Variants in ADGRG4 observed in about 807,000 individuals in gnomAD.
ADGRG4 encodes adhesion G protein-coupled receptor G4.
In ADGRG4, 122 loss-of-function variants were observed where a neutral mutation model predicts 126.2. The ratio of observed to expected loss-of-function variants is 0.97; its 90% CI spans 0.83 to 1.12. ADGRG4 has a LOEUF of 1.12. ADGRG4 is among the 50% of genes most tolerant of loss of function. The pLI is 0.00. For synonymous variants in ADGRG4, 943 were observed against 838.7 expected, an observed-to-expected ratio of 1.12 and a Z score of -2.15; for missense variants, 2,481 against 2,251.8, an observed-to-expected ratio of 1.10 and a Z score of -2.06.
At chrX:136,303,687 T>C (rs1283372948) in intron 1 of ADGRG4, among the ~76,000 whole-genome samples, 1 of 111,669 alleles carries the variant, frequency 9.0e-6, no homozygotes, top group Non-Finnish European at 1.9e-5. Context: ...TAAGTAAAAT[T>C]GTCCTTCAAA....
intron 4 of ADGRG4, among the ~76,000 whole-genome samples, chrX:136,316,027 C>A (rs761639954): frequency 8.9e-6 from 1 of 112,294 alleles, no homozygotes; most frequent in Non-Finnish European, 1.9e-5. Context: ...TGATACATTT[C>A]TGTTGTTTAA....
At chrX:136,354,759 A>G (rs975144626) in intron 8 of ADGRG4, among the ~76,000 whole-genome samples, 1 of 111,602 alleles carries the variant, frequency 9.0e-6, no homozygotes, top group Admixed American at 9.6e-5. Flanking sequence ...AGCTCAAAGA[A>G]CTCAGGTAAA....
chrX:136,380,603 CCTCTTCT>C (rs1569332983), intron 15 of ADGRG4, among the ~76,000 whole-genome samples: 4 of 81,158 alleles, frequency 4.9e-5, no homozygotes, highest in African/African-American at 1.9e-4. Flanking sequence ...TCCTCCTCCT[CCTCTTCT>C]TCTTCTTCTT....
intron 23 of ADGRG4, among the ~76,000 whole-genome samples, chrX:136,411,832 A>T (rs185247286): frequency 4.5e-4 from 51 of 112,806 alleles, no homozygotes; most frequent in Non-Finnish European, 2.1e-4. Context: ...GGATGCCAGG[A>T]TGTCCTCAGG....
chrX:136,416,416 T>C (rs2075475796), intron 25 of ADGRG4, 38 bp from the exon 26 acceptor site: 1 of 1,145,997 alleles, frequency 8.7e-7, no homozygotes, highest in Non-Finnish European at 1.2e-6. Context: ...AAGTCCCTGA[T>C]GCCGCAGCTG....
chrX:136,349,170 C>T lies in ADGRG4; in HGVS notation c.5464C>T (p.Pro1822Ser). The T allele has an allele frequency of 1.7e-6, 2 of 1,201,909 alleles. No individual in the cohort carries two copies. The highest frequency in any genetic ancestry group is 2.3e-6 in the Non-Finnish European group (2 of 887,081). Residue 1822 changes from proline to serine, a missense_variant, in exon 6 of 26, where the codon CCA (proline) becomes TCA (serine). Pro to Ser is a moderately conservative substitution (Grantham distance 74). Coordinates refer to ENST00000394143, the MANE Select transcript of ADGRG4 (RefSeq NM_153834.4). ...TTTGAATACCCCTGTTTCATACCCT[C>T]CATGGACCCCATCCAGTGCAACTCT... Reference protein sequence around the residue: ...TSLNTPVSYPPWTPSSATLPS... With the variant: ...TSLNTPVSYPSWTPSSATLPS...
At chrX:136,386,976 C>T (rs761639542) in intron 15 of ADGRG4, among the ~76,000 whole-genome samples, 1 of 111,854 alleles carries the variant, frequency 8.9e-6, no homozygotes, top group South Asian at 3.7e-4. Context: ...GATCAAGGGG[C>T]CGCCTGCGGT....
At chrX:136,367,128 C>T (rs2075163714) in intron 13 of ADGRG4, among the ~76,000 whole-genome samples, 1 of 111,947 alleles carries the variant, frequency 8.9e-6, no homozygotes, top group Admixed American at 9.4e-5. Context: ...AGACATGGTT[C>T]TACTGCATAA....
intron 15 of ADGRG4, among the ~76,000 whole-genome samples, chrX:136,374,787 T>C (rs1009307567): frequency 8.9e-6 from 1 of 111,917 alleles, no homozygotes; most frequent in Admixed American, 9.5e-5. Context: ...GAGTGGTAAA[T>C]GATGTGGAGT....
At chrX:136,307,441 A>G (rs2148442648) in intron 3 of ADGRG4, among the ~76,000 whole-genome samples, 1 of 112,594 alleles carries the variant, frequency 8.9e-6, no homozygotes, top group African/African-American at 3.2e-5. Context: ...AAGTCATGAA[A>G]GATTTAGACA....
At chrX:136,303,099 T>C (rs1384309251) in intron 1 of ADGRG4, among the ~76,000 whole-genome samples, 1 of 111,860 alleles carries the variant, frequency 8.9e-6, no homozygotes, top group African/African-American at 3.3e-5. Flanking sequence ...GGTGAGACGG[T>C]TGCTTGAGGC....
At chrX:136,317,544 A>T (rs914423925) in intron 4 of ADGRG4, among the ~76,000 whole-genome samples, 27 of 108,920 alleles carry the variant, frequency 2.5e-4, no homozygotes, top group African/African-American at 8.6e-4. Context: ...AAATGAAATG[A>T]CACCAAAAGC....
Position 136,344,479 on chromosome X carries a change from TA to T in ADGRG4, c.777del (p.Lys259AsnfsTer39). ...ACCACTCCATCCCAAATTACTGGAG[TA>T]AAACCACAAAATACTGCACATTCCT... Reference protein sequence around the residue: ...DMTTPSQITGVKPQNTAHSST... With the variant: ...DMTTPSQITGXKPQNTAHSST... On this transcript the variant is annotated frameshift_variant, in exon 6 of 26. Coordinates refer to ENST00000394143, the MANE Select transcript of ADGRG4 (RefSeq NM_153834.4). LOFTEE classifies it high-confidence loss of function. 8.3e-7 allele frequency: 1 copy of T among 1,202,451 alleles called. No homozygotes were observed. The highest frequency in any genetic ancestry group is 1.1e-6 in the Non-Finnish European group (1 of 887,845).
At chrX:136,380,511 AGCT>A (rs888933181) in intron 15 of ADGRG4, among the ~76,000 whole-genome samples, 9 of 100,777 alleles carry the variant, frequency 8.9e-5, no homozygotes, top group Admixed American at 3.2e-4. Context: ...TTCTTTACAT[AGCT>A]GCTGCTGCTG....
intron 5 of ADGRG4, among the ~76,000 whole-genome samples, chrX:136,325,402 G>GT (rs906972737): frequency 8.9e-6 from 1 of 111,989 alleles, no homozygotes; most frequent in African/African-American, 3.2e-5. Context: ...AAAGATATTT[G>GT]TTTTTTCTCT....
intron 15 of ADGRG4, among the ~76,000 whole-genome samples, chrX:136,383,881 C>CTTCCTTTCCTTTCCT (rs199828604): frequency 5.1e-4 from 27 of 52,481 alleles, no homozygotes; most frequent in African/African-American, 1.7e-3. Flanking sequence ...TTTCTTCTTT[C>CTTCCTTTCCTTTCCT]TTCCTTTCCT....
intron 11 of ADGRG4, 88 bp from the exon 12 acceptor site, chrX:136,361,367 A>G: frequency 6.7e-6 from 2 of 299,194 alleles, no homozygotes; most frequent in East Asian, 2.3e-4. Context: ...ATAATATTAT[A>G]TTATTATATA....
chrX:136,362,515 G>A (rs1258525347), intron 12 of ADGRG4, among the ~76,000 whole-genome samples: 4 of 111,790 alleles, frequency 3.6e-5, no homozygotes, highest in African/African-American at 9.8e-5. Flanking sequence ...TCGTGCTCCA[G>A]CTCCACATTG....
chrX:136,330,265 C>T, intron 5 of ADGRG4, among the ~76,000 whole-genome samples: 1 of 111,278 alleles, frequency 9.0e-6, no homozygotes, highest in Non-Finnish European at 1.9e-5. Flanking sequence ...CCACCCTTTC[C>T]CCCTACGCTG....
Sources: allele counts gnomAD v4.1 joint callset (sites outside exome capture counted in the v4.1 genomes callset), GRCh38; gene constraint gnomAD v4.1.1; transcripts MANE v1.5; gene names NCBI Gene and HGNC (gene_info 2026-07-23, HGNC 2026-07-21).